SUGCT: variants seen among roughly 807,000 people sequenced by gnomAD.
SUGCT encodes succinyl-CoA:glutarate-CoA transferase.
A neutral mutation model predicts 55.0 loss-of-function variants in SUGCT; 41 were observed. That is an observed-to-expected ratio of 0.74 (90% CI 0.58 to 0.97). SUGCT has a LOEUF of 0.97. Among genes scored for constraint, SUGCT ranks in the 50% least tolerant of loss-of-function variants. The pLI, the probability that SUGCT is intolerant of heterozygous loss-of-function variation, is 0.00. For missense variants in SUGCT, 568 were observed against 547.8 expected (o/e 1.04, Z -0.37); for synonymous variants, 187 against 200.4 (o/e 0.93, Z 0.56).
chr7:40,932,367 G>A, the SUGCT span, among the ~76,000 whole-genome samples: 1 of 152,194 alleles, frequency 6.6e-6, no homozygotes, highest in Non-Finnish European at 1.5e-5. Flanking sequence ...TTTGGAATAA[G>A]TGCAGTGCGG....
chr7:40,814,213 C>T (rs1791557752), intron 13 of SUGCT, among the ~76,000 whole-genome samples: 1 of 151,978 alleles, frequency 6.6e-6, no homozygotes, highest in South Asian at 2.1e-4. Flanking sequence ...GGCAGGTGTT[C>T]TCTGGATTTC....
chr7:40,175,211 T>C (rs1028411266), intron 1 of SUGCT, among the ~76,000 whole-genome samples: 3 of 152,004 alleles, frequency 2.0e-5, no homozygotes, highest in South Asian at 2.1e-4. Context: ...TCTTTCACTG[T>C]AGTGCGTTTA....
chr7:40,964,104 A>G, the SUGCT span, among the ~76,000 whole-genome samples: 1 of 152,202 alleles, frequency 6.6e-6, no homozygotes, highest in African/African-American at 2.4e-5. Flanking sequence ...AAGATATCAA[A>G]ATGTCCTATC....
chr7:40,360,917 T>C (rs1798120930), intron 9 of SUGCT, among the ~76,000 whole-genome samples: 1 of 152,152 alleles, frequency 6.6e-6, no homozygotes, highest in Admixed American at 6.5e-5. Context: ...GCTGTTACAG[T>C]ACTCTAGGTG....
chr7:40,313,298 T>C (rs932335230), intron 8 of SUGCT, among the ~76,000 whole-genome samples: 2 of 152,216 alleles, frequency 1.3e-5, no homozygotes, highest in Non-Finnish European at 2.9e-5. Flanking sequence ...TAATGCAGTA[T>C]TTAGAATGCA....
At chr7:40,865,823 C>A in the SUGCT span, among the ~76,000 whole-genome samples, 1 of 152,176 alleles carries the variant, frequency 6.6e-6, no homozygotes, top group Admixed American at 6.5e-5. Flanking sequence ...ATCCAATGGC[C>A]TCCAGAAGGA....
intron 12 of SUGCT, among the ~76,000 whole-genome samples, chr7:40,604,408 C>A (rs1222297259): frequency 6.6e-6 from 1 of 152,030 alleles, no homozygotes; most frequent in African/African-American, 2.4e-5. Flanking sequence ...TTACATAGAT[C>A]AACAGAAGCA....
At chr7:40,756,667 A>G (rs1466276448) in intron 13 of SUGCT, among the ~76,000 whole-genome samples, 1 of 152,198 alleles carries the variant, frequency 6.6e-6, no homozygotes, top group Non-Finnish European at 1.5e-5. Context: ...AAGAGGAACC[A>G]AAGTTTCAGC....
the SUGCT span, among the ~76,000 whole-genome samples, chr7:40,934,878 C>T: frequency 2.0e-5 from 3 of 152,186 alleles, no homozygotes; most frequent in African/African-American, 7.2e-5. Context: ...AATCCCCTGA[C>T]CCCTTGTGCT....
At chr7:40,274,153 C>CA (rs1792307213) in intron 7 of SUGCT, among the ~76,000 whole-genome samples, 1 of 134,742 alleles carries the variant, frequency 7.4e-6, no homozygotes. Context: ...TCTTTCTCCC[C>CA]AACAAATTAA....
chr7:40,473,839 A>G (rs931646859), intron 11 of SUGCT, among the ~76,000 whole-genome samples: 6 of 152,210 alleles, frequency 3.9e-5, no homozygotes, highest in East Asian at 1.9e-4. Flanking sequence ...AGGGTGGCCA[A>G]TCAGGTAAGT....
At chr7:40,794,703 C>A (rs1239021334) in intron 13 of SUGCT, among the ~76,000 whole-genome samples, 1 of 151,978 alleles carries the variant, frequency 6.6e-6, no homozygotes, top group East Asian at 1.9e-4. Flanking sequence ...TCCTGCCTTC[C>A]GGAAAGATTT....
intron 6 of SUGCT, among the ~76,000 whole-genome samples, chr7:40,205,274 A>C (rs1786898878): frequency 6.6e-6 from 1 of 151,726 alleles, no homozygotes; most frequent in Admixed American, 6.6e-5. Context: ...ACAAAACAAA[A>C]ATAAAAAGGG....
chr7:40,707,595 T>A (rs1349176797), intron 12 of SUGCT, among the ~76,000 whole-genome samples: 1 of 152,258 alleles, frequency 6.6e-6, no homozygotes, highest in Admixed American at 6.5e-5. Flanking sequence ...AAATGTTTTT[T>A]GGATATGATC....
At chr7:40,932,203 GGTT>G in the SUGCT span, among the ~76,000 whole-genome samples, 1 of 152,160 alleles carries the variant, frequency 6.6e-6, no homozygotes, top group Non-Finnish European at 1.5e-5. Flanking sequence ...TTCAGGAGCA[GGTT>G]GTTCAGTTTC....
chr7:40,315,148 G>A (rs1169382307), intron 8 of SUGCT, among the ~76,000 whole-genome samples: 2 of 152,136 alleles, frequency 1.3e-5, no homozygotes, highest in Non-Finnish European at 2.9e-5. Flanking sequence ...TAGCTGAAAT[G>A]CCCAAGACTT....
At chr7:40,862,762 T>C (rs1047567220), downstream of SUGCT, among the ~76,000 whole-genome samples, 3 of 151,890 alleles carry the variant, frequency 2.0e-5, no homozygotes, top group African/African-American at 7.3e-5. Flanking sequence ...TGAAACTTTT[T>C]ACTGCCATGA....
At chr7:40,189,133 G>A (rs1197059024) in intron 4 of SUGCT, among the ~76,000 whole-genome samples, 2 of 152,124 alleles carry the variant, frequency 1.3e-5, no homozygotes, top group African/African-American at 4.8e-5. Flanking sequence ...CACGAGGTCA[G>A]GAGATCGAGA....
chr7:40,495,803 T>A (rs1791937858), intron 11 of SUGCT, among the ~76,000 whole-genome samples: 2 of 152,186 alleles, frequency 1.3e-5, no homozygotes, highest in African/African-American at 4.8e-5. Context: ...GTGCAAAGGT[T>A]GTTTGTAGGC....
Sources: allele counts gnomAD v4.1 joint callset (sites outside exome capture counted in the v4.1 genomes callset), GRCh38; gene constraint gnomAD v4.1.1; transcripts MANE v1.5; gene names NCBI Gene and HGNC (gene_info 2026-07-23, HGNC 2026-07-21).